Variants in SLC1A2 observed in about 807,000 individuals in gnomAD.
SLC1A2 encodes the protein solute carrier family 1 member 2.
A neutral mutation model predicts 48.8 loss-of-function variants in SLC1A2; 15 were observed. That is an observed-to-expected ratio of 0.31 (90% CI 0.21 to 0.47). The LOEUF is 0.47. Ranked by LOEUF, SLC1A2 falls within the 20% of genes least tolerant of loss-of-function variation. SLC1A2 has a pLI of 0.99. For synonymous variants in SLC1A2, 279 were observed against 272.6 expected (o/e 1.02, Z -0.23); for missense variants, 502 against 730.5 (o/e 0.69, Z 3.61).
At position 35,258,139 on chromosome 11, in the gene SLC1A2, A is replaced by G. The variant is rs1440958401; in HGVS notation, c.*2755T>C. The G allele has an allele frequency of 2.0e-5, 3 of 152,264 alleles. No individual in the cohort carries two copies. The highest frequency in any genetic ancestry group is 2.9e-5 in the Non-Finnish European group (2 of 68,042). 9.4% of individuals were successfully genotyped at this position (152,264 alleles called of 1,614,324 possible). On this transcript the variant is annotated 3_prime_UTR_variant, in exon 11 of 11. Coordinates refer to ENST00000278379, the MANE Select transcript of SLC1A2 (RefSeq NM_004171.4). ...AAACAGAGGACATAGACATATGTCA[A>G]CATGTCAACTCTACATGCATTTTGG... is the stretch of plus-strand genomic sequence containing the variant.
intron 1 of SLC1A2, chr11:35,370,844 G>T: frequency 1.8e-6 from 1 of 554,950 alleles, no homozygotes; most frequent in Non-Finnish European, 2.3e-6. Context: ...TGACCTCCCA[G>T]GCCAAGAAGA....
At chr11:35,312,654 T>C (rs1194405811) in intron 3 of SLC1A2, among the ~76,000 whole-genome samples, 1 of 152,220 alleles carries the variant, frequency 6.6e-6, no homozygotes, top group African/African-American at 2.4e-5. Flanking sequence ...CCCAAGTTTC[T>C]TCTGTAAAAT....
chr11:35,396,089 GGGTT>G (rs1207284123), intron 1 of SLC1A2, among the ~76,000 whole-genome samples: 1 of 138,360 alleles, frequency 7.2e-6, no homozygotes, highest in African/African-American at 3.0e-5. Context: ...TTGGACATTT[GGGTT>G]GGTTCCAAGT....
intron 1 of SLC1A2, among the ~76,000 whole-genome samples, chr11:35,333,812 C>A (rs992876606): frequency 6.7e-6 from 1 of 149,608 alleles, no homozygotes; most frequent in Admixed American, 6.7e-5. Flanking sequence ...CAGGCATGCA[C>A]CACCATGCCA....
At chr11:35,281,620 GATAATGA>G (rs573220939) in intron 8 of SLC1A2, among the ~76,000 whole-genome samples, 1 of 152,270 alleles carries the variant, frequency 6.6e-6, no homozygotes, top group East Asian at 1.9e-4. Context: ...GCCAAGAAAT[GATAATGA>G]AAGAAAGGAA....
intron 1 of SLC1A2, among the ~76,000 whole-genome samples, chr11:35,339,543 T>C (rs1049684664): frequency 4.6e-5 from 7 of 152,200 alleles, no homozygotes; most frequent in Non-Finnish European, 1.0e-4. Context: ...GGGTTTCAGA[T>C]AGGGATCCTG....
intron 8 of SLC1A2, among the ~76,000 whole-genome samples, chr11:35,284,998 C>A (rs1029008868): frequency 2.1e-4 from 32 of 152,188 alleles, no homozygotes; most frequent in Admixed American, 6.5e-5. Context: ...ACCAAGCAGA[C>A]ACCAGATTAT....
At chr11:35,307,303 T>A (rs1317735150) in intron 4 of SLC1A2, 1 of 152,182 alleles carries the variant, frequency 6.6e-6, no homozygotes, top group Non-Finnish European at 1.5e-5. Context: ...TGCTTATATT[T>A]CAGATCCAAA....
intron 5 of SLC1A2, among the ~76,000 whole-genome samples, chr11:35,305,524 G>A (rs751614255): frequency 5.3e-5 from 8 of 152,148 alleles, no homozygotes; most frequent in Non-Finnish European, 1.0e-4. Context: ...ATGCTAAGAA[G>A]GTACTGGGCT....
chr11:35,351,120 A>G (rs1030547817), intron 1 of SLC1A2, among the ~76,000 whole-genome samples: 3 of 152,244 alleles, frequency 2.0e-5, no homozygotes, highest in Non-Finnish European at 4.4e-5. Flanking sequence ...ACTATCCTCC[A>G]ATAACCCAGT....
At chr11:35,322,458 TCAC>T in intron 1 of SLC1A2, 1 of 682,442 alleles carries the variant, frequency 1.5e-6, no homozygotes, top group Admixed American at 2.5e-5. Flanking sequence ...TTTTCCACCT[TCAC>T]TGATTTGATG....
chr11:35,298,430 A>AT (rs1417321145), intron 6 of SLC1A2: 2 of 152,150 alleles, frequency 1.3e-5, no homozygotes, highest in Admixed American at 1.3e-4. Context: ...AAGAATTCTG[A>AT]TTTTTTTAAG....
intron 1 of SLC1A2, among the ~76,000 whole-genome samples, chr11:35,372,373 G>C (rs1369714430): frequency 6.6e-6 from 1 of 152,192 alleles, no homozygotes; most frequent in African/African-American, 2.4e-5. Flanking sequence ...CCCTGCTTTG[G>C]TGGCTCTGGG....
At chr11:35,341,423 T>A (rs1368427706) in intron 1 of SLC1A2, among the ~76,000 whole-genome samples, 1 of 152,230 alleles carries the variant, frequency 6.6e-6, no homozygotes, top group Non-Finnish European at 1.5e-5. Flanking sequence ...CGAAAATGTT[T>A]AAAACCCTGT....
chr11:35,345,880 A>G (rs1590212105), intron 1 of SLC1A2, among the ~76,000 whole-genome samples: 1 of 152,206 alleles, frequency 6.6e-6, no homozygotes, highest in Non-Finnish European at 1.5e-5. Flanking sequence ...TAAATGTTTT[A>G]TATTCATTTT....
intron 1 of SLC1A2, chr11:35,370,979 T>C (rs1429669742): frequency 2.0e-6 from 2 of 985,210 alleles, no homozygotes; most frequent in South Asian, 4.7e-5. Flanking sequence ...TCTGCCAGGG[T>C]ACAGACAGTC....
At chr11:35,287,549 C>A (rs980875051) in intron 7 of SLC1A2, among the ~76,000 whole-genome samples, 5 of 152,290 alleles carry the variant, frequency 3.3e-5, no homozygotes, top group Admixed American at 2.6e-4. Flanking sequence ...TAGTCCAACA[C>A]CCTGATATAT....
chr11:35,400,891 T>G (rs1361680602), intron 1 of SLC1A2, among the ~76,000 whole-genome samples: 1 of 152,050 alleles, frequency 6.6e-6, no homozygotes, highest in Non-Finnish European at 1.5e-5. Context: ...GGCTATGGCT[T>G]TGTTTGTTTA....
At chr11:35,334,372 A>G (rs569747912) in intron 1 of SLC1A2, among the ~76,000 whole-genome samples, 1 of 152,292 alleles carries the variant, frequency 6.6e-6, no homozygotes, top group East Asian at 1.9e-4. Flanking sequence ...GCTTAAGTAA[A>G]ATCTTCAAAA....
Sources: allele counts gnomAD v4.1 joint callset (sites outside exome capture counted in the v4.1 genomes callset), GRCh38; gene constraint gnomAD v4.1.1; transcripts MANE v1.5; gene names NCBI Gene and HGNC (gene_info 2026-07-23, HGNC 2026-07-21).